Variants in CA10 observed in about 807,000 individuals in gnomAD.
The protein encoded by CA10 is carbonic anhydrase 10 (inactive).
CA10 carries 14 observed loss-of-function variants against 44.2 expected under a neutral mutation model. The observed-to-expected ratio is 0.32, with a 90% confidence interval of 0.21 to 0.50. CA10 has a LOEUF of 0.50. Among genes scored for constraint, CA10 ranks in the 20% least tolerant of loss-of-function variants. CA10 has a pLI of 0.99. For synonymous variants in CA10, 159 were observed against 141.6 expected (o/e 1.12, Z -0.87); for missense variants, 350 against 409.7 (o/e 0.85, Z 1.26).
intron 4 of CA10, among the ~76,000 whole-genome samples, chr17:51,674,877 C>A (rs959101288): frequency 3.9e-5 from 6 of 152,156 alleles, no homozygotes; most frequent in African/African-American, 1.4e-4. Context: ...TTCCTTTGTG[C>A]GTGTATTGTG....
intron 2 of CA10, among the ~76,000 whole-genome samples, chr17:51,995,094 C>T (rs1020740955): frequency 2.1e-4 from 32 of 151,834 alleles, no homozygotes; most frequent in Admixed American, 1.2e-3. Context: ...AACAAATAGG[C>T]GTAGCCATAT....
chr17:51,717,710 C>T (rs537681483), intron 4 of CA10, among the ~76,000 whole-genome samples: 2,273 of 24,446 alleles, frequency 0.093, 382 homozygotes, highest in East Asian at 0.14. Flanking sequence ...TGTATATATA[C>T]ATATATACGT....
At chr17:51,664,497 G>A (rs940642912) in intron 4 of CA10, among the ~76,000 whole-genome samples, 8 of 150,370 alleles carry the variant, frequency 5.3e-5, no homozygotes, top group Non-Finnish European at 8.8e-5. Flanking sequence ...TTTAGATAGA[G>A]CTAACCAAAT....
chr17:51,900,363 T>C (rs1198863330), intron 3 of CA10, among the ~76,000 whole-genome samples: 4 of 152,182 alleles, frequency 2.6e-5, no homozygotes, highest in Non-Finnish European at 5.9e-5. Context: ...GCCCCCAATC[T>C]CTTCTGGGCT....
intron 2 of CA10, among the ~76,000 whole-genome samples, chr17:52,054,397 C>T (rs1987165550): frequency 6.6e-6 from 1 of 152,076 alleles, no homozygotes; most frequent in African/African-American, 2.4e-5. Flanking sequence ...ACTCTGTCTC[C>T]TGATAAGATG....
intron 1 of CA10, among the ~76,000 whole-genome samples, chr17:52,140,981 T>A (rs972214517): frequency 6.6e-6 from 1 of 152,180 alleles, no homozygotes; most frequent in African/African-American, 2.4e-5. Flanking sequence ...TTTCTCAGGT[T>A]GTCATTCCTA....
chr17:51,914,119 T>C (rs1474528667), intron 3 of CA10, among the ~76,000 whole-genome samples: 1 of 152,094 alleles, frequency 6.6e-6, no homozygotes, highest in Non-Finnish European at 1.5e-5. Flanking sequence ...CTCTGAGCCC[T>C]GAGGAACTTG....
chr17:51,780,036 C>T (rs140975595), intron 3 of CA10, among the ~76,000 whole-genome samples: 118 of 151,952 alleles, frequency 7.8e-4, no homozygotes, highest in Non-Finnish European at 1.5e-3. Flanking sequence ...AGGAACATCA[C>T]GATTTGGCAA....
chr17:52,085,934 C>G (rs1214464219), intron 1 of CA10, among the ~76,000 whole-genome samples: 1 of 152,164 alleles, frequency 6.6e-6, no homozygotes, highest in African/African-American at 2.4e-5. Flanking sequence ...CTTCTAAAAA[C>G]CTTCCGTGGT....
intron 4 of CA10, among the ~76,000 whole-genome samples, chr17:51,680,478 G>A (rs891444309): frequency 1.3e-5 from 2 of 152,218 alleles, no homozygotes; most frequent in Non-Finnish European, 2.9e-5. Context: ...GTATCCGTGA[G>A]CAATAATGAA....
intron 4 of CA10, among the ~76,000 whole-genome samples, chr17:51,705,370 C>A (rs1452907159): frequency 6.6e-6 from 1 of 152,146 alleles, no homozygotes; most frequent in Admixed American, 6.5e-5. Flanking sequence ...CAACCCTGAA[C>A]CATAGCAGAG....
chr17:51,754,637 C>T (rs1184369886), intron 3 of CA10, among the ~76,000 whole-genome samples: 1 of 151,370 alleles, frequency 6.6e-6, no homozygotes, highest in East Asian at 1.9e-4. Context: ...TTGGATGAGG[C>T]CCATCAACCT....
intron 2 of CA10, among the ~76,000 whole-genome samples, chr17:51,957,605 T>A (rs1983714919): frequency 6.6e-6 from 1 of 152,106 alleles, no homozygotes; most frequent in Non-Finnish European, 1.5e-5. Context: ...CAATAGCACA[T>A]CTACTTGGAG....
chr17:51,762,776 G>A (rs528622488), intron 3 of CA10: 1 of 152,292 alleles, frequency 6.6e-6, no homozygotes, highest in Admixed American at 6.5e-5. Context: ...GCAAGAAAAG[G>A]AGGGAGAATT....
intron 2 of CA10, among the ~76,000 whole-genome samples, chr17:52,012,985 G>A (rs189867782): frequency 6.6e-6 from 1 of 151,908 alleles, no homozygotes; most frequent in African/African-American, 2.4e-5. Flanking sequence ...TGCTGGCCAA[G>A]GTGTACATAT....
chr17:51,734,731 AGTGTG>A (rs1212623498), intron 4 of CA10, among the ~76,000 whole-genome samples: 16 of 152,262 alleles, frequency 1.1e-4, no homozygotes, highest in African/African-American at 3.9e-4. Flanking sequence ...TCCACAATTA[AGTGTG>A]GTTAGTAGGG....
At chr17:52,004,325 A>G (rs1383956145) in intron 2 of CA10, among the ~76,000 whole-genome samples, 1 of 151,980 alleles carries the variant, frequency 6.6e-6, no homozygotes, top group Non-Finnish European at 1.5e-5. Flanking sequence ...TTCTCACTTC[A>G]TAATTTCTTA....
chr17:51,719,760 G>A (rs1916291732), intron 4 of CA10, among the ~76,000 whole-genome samples: 1 of 152,122 alleles, frequency 6.6e-6, no homozygotes, highest in Non-Finnish European at 1.5e-5. Flanking sequence ...ATGGTGGCAT[G>A]AGCCTGTAAT....
intron 3 of CA10, among the ~76,000 whole-genome samples, chr17:51,880,574 G>A (rs1001076482): frequency 6.6e-6 from 1 of 152,086 alleles, no homozygotes; most frequent in African/African-American, 2.4e-5. Flanking sequence ...AGTGCTGGGA[G>A]TATAGGTGTG....
Sources: gnomAD v4.1 joint callset for allele counts (sites outside exome capture counted in the v4.1 genomes callset) on GRCh38, gnomAD v4.1.1 for gene constraint, MANE v1.5 for transcripts, NCBI Gene and HGNC (gene_info 2026-07-23, HGNC 2026-07-21) for gene names.